The following GPD2 variants were observed in gnomAD, a reference collection of about 807,000 sequenced individuals.
GPD2 encodes the protein glycerol-3-phosphate dehydrogenase 2, also known as glycerol-3-phosphate dehydrogenase, mitochondrial.
Under a neutral mutation model 82.4 loss-of-function variants are expected in GPD2, and 54 were observed. The ratio of observed to expected loss-of-function variants is 0.66; its 90% confidence interval spans 0.53 to 0.82. The LOEUF is 0.82. GPD2 is among the 40% of genes least tolerant of loss of function. The probability of loss-of-function intolerance (pLI) is 0.00; values close to 1 mark genes in which losing one functional copy is unlikely to be tolerated. For synonymous variants in GPD2, 288 were observed against 306.1 expected (o/e 0.94, Z 0.62); for missense variants, 748 against 896.2 (o/e 0.83, Z 2.11).
the GPD2 span, among the ~76,000 whole-genome samples, chr2:156,403,156 G>T: frequency 1.4e-5 from 2 of 145,590 alleles, no homozygotes; most frequent in Non-Finnish European, 3.0e-5. Flanking sequence ...AAGGAAAAAA[G>T]TCTTATGTAA....
At chr2:156,442,703 G>A (rs1178419327) in intron 1 of GPD2, among the ~76,000 whole-genome samples, 1 of 152,116 alleles carries the variant, frequency 6.6e-6, no homozygotes, top group East Asian at 1.9e-4. Flanking sequence ...GGAGGCTGAG[G>A]TGGGAGGATC....
chr2:156,580,467 C>G (rs1196182132), intron 16 of GPD2, among the ~76,000 whole-genome samples: 2 of 152,082 alleles, frequency 1.3e-5, no homozygotes, highest in Non-Finnish European at 2.9e-5. Context: ...TTCAACAAAC[C>G]CATACATTAT....
chr2:156,530,587 T>C (rs2105305038), intron 6 of GPD2, among the ~76,000 whole-genome samples: 1 of 151,590 alleles, frequency 6.6e-6, no homozygotes, highest in East Asian at 2.0e-4. Flanking sequence ...TAGCTCTTAT[T>C]ATTTTGAAAT....
At chr2:156,566,971 G>C (rs376467703) in intron 9 of GPD2, among the ~76,000 whole-genome samples, 3 of 151,908 alleles carry the variant, frequency 2.0e-5, no homozygotes, top group African/African-American at 7.3e-5. Flanking sequence ...CATTAGTGAT[G>C]TTTACTATCT....
chr2:156,497,186 A>C (rs1190313248), intron 3 of GPD2, among the ~76,000 whole-genome samples: 1 of 152,154 alleles, frequency 6.6e-6, no homozygotes, highest in East Asian at 1.9e-4. Context: ...GGGGCAAAGC[A>C]CTTAATTTGT....
At chr2:156,560,182 A>C (rs1392633265) in intron 9 of GPD2, among the ~76,000 whole-genome samples, 1 of 152,186 alleles carries the variant, frequency 6.6e-6, no homozygotes, top group Non-Finnish European at 1.5e-5. Flanking sequence ...TGGGTTCCAG[A>C]AGGCTGCCGT....
chr2:156,450,952 A>C (rs1305586675), intron 1 of GPD2, among the ~76,000 whole-genome samples: 2 of 133,474 alleles, frequency 1.5e-5, no homozygotes, highest in Admixed American at 7.7e-5. Context: ...TGGACACAGC[A>C]CATGTTTCAG....
In GPD2 at chr2:156,510,859, A is replaced by G. The variant is rs202063153; in HGVS notation, c.338A>G (p.Lys113Arg). The part of the protein sequence containing the change: ...FSSGTSSRST[K>R]LIHGGVRYLQ... ...TCAGGGACCAGCAGCAGAAGCACTA[A>G]ATTGATCCATGGTGGTGTGAGATAT... The change falls in exon 4 of 17, where the codon AAA (lysine) becomes AGA (arginine). Residue 113 changes from lysine to arginine, a missense_variant. This residue lies in a region of GPD2 where 692 missense variants were observed against 809.7 expected (regional missense o/e 0.85). Transcript: ENST00000438166. 6.2e-7 allele frequency: 1 copy of G among 1,613,022 alleles called. No individual in the cohort carries two copies. Among genetic ancestry groups the G allele is most frequent in the Non-Finnish European group, 8.5e-7 (1 of 1,178,956 alleles).
chr2:156,558,328 G>T (rs1171235163), intron 9 of GPD2, among the ~76,000 whole-genome samples: 1 of 151,922 alleles, frequency 6.6e-6, no homozygotes, highest in Non-Finnish European at 1.5e-5. Flanking sequence ...GCCTATCTAT[G>T]CTTATTCTGA....
chr2:156,426,081 G>A, the GPD2 span, among the ~76,000 whole-genome samples: 1 of 151,876 alleles, frequency 6.6e-6, no homozygotes, highest in East Asian at 1.9e-4. Flanking sequence ...CCACCACCAC[G>A]CCAGGCTAAT....
the GPD2 span, among the ~76,000 whole-genome samples, chr2:156,411,035 G>T: frequency 6.6e-6 from 1 of 152,152 alleles, no homozygotes; most frequent in African/African-American, 2.4e-5. Context: ...AATAGGGTTG[G>T]TGAAAATAAA....
chr2:156,494,832 A>G (rs1358234673), intron 2 of GPD2, among the ~76,000 whole-genome samples: 3 of 152,224 alleles, frequency 2.0e-5, no homozygotes, highest in Non-Finnish European at 4.4e-5. Flanking sequence ...TGCTATAGTG[A>G]ACAAACCTAG....
Position 156,570,232 on chromosome 2 carries a change from C to A in GPD2, c.1608+14C>A. ...ATTGAAGCAGAGGTATGTGAATGGT[C>A]ACATAGGAATTTCATGTCTGCCATG... On this transcript the variant is annotated intron_variant, in intron 12 of 16. Coordinates refer to ENST00000438166, the MANE Select transcript of GPD2 (RefSeq NM_000408.5). 6.2e-7 allele frequency: 1 copy of A among 1,608,936 alleles called. No homozygotes were observed. The highest frequency in any genetic ancestry group is 1.1e-5 in the South Asian group (1 of 90,904).
At chr2:156,416,211 T>G in the GPD2 span, among the ~76,000 whole-genome samples, 1 of 152,006 alleles carries the variant, frequency 6.6e-6, no homozygotes, top group African/African-American at 2.4e-5. Flanking sequence ...TCTCATTGGT[T>G]GACAGGCATT....
intron 6 of GPD2, among the ~76,000 whole-genome samples, chr2:156,539,248 G>A (rs186313417): frequency 6.6e-5 from 10 of 152,208 alleles, no homozygotes; most frequent in Admixed American, 3.3e-4. Flanking sequence ...TTATTTCAGC[G>A]GTTCTAGGGG....
At chr2:156,578,378 T>C (rs1558971645) in intron 13 of GPD2, among the ~76,000 whole-genome samples, 2 of 152,170 alleles carry the variant, frequency 1.3e-5, no homozygotes, top group African/African-American at 4.8e-5. Flanking sequence ...ATTACTTTTT[T>C]TTTTTTTGTC....
At chr2:156,555,660 T>C (rs1457348486) in intron 8 of GPD2, among the ~76,000 whole-genome samples, 1 of 152,212 alleles carries the variant, frequency 6.6e-6, no homozygotes, top group African/African-American at 2.4e-5. Context: ...AGAAAACATG[T>C]GACTAGTTTC....
At chr2:156,566,721 A>C (rs1687405615) in intron 9 of GPD2, among the ~76,000 whole-genome samples, 1 of 152,064 alleles carries the variant, frequency 6.6e-6, no homozygotes, top group Admixed American at 6.6e-5. Flanking sequence ...ATATACCCAG[A>C]AGTGTAATTG....
chr2:156,576,707 C>T (rs369792942), intron 13 of GPD2, among the ~76,000 whole-genome samples: 1 of 152,230 alleles, frequency 6.6e-6, no homozygotes, highest in East Asian at 1.9e-4. Flanking sequence ...ACATTGAGTA[C>T]CGTTTATGAA....
Sources: allele counts gnomAD v4.1 joint callset (sites outside exome capture counted in the v4.1 genomes callset), GRCh38; gene constraint gnomAD v4.1.1; regional missense constraint gnomAD v4.1.1; transcripts MANE v1.5; gene names NCBI Gene and HGNC (gene_info 2026-07-23, HGNC 2026-07-21).